Variants in TIMP2 observed in about 807,000 individuals in gnomAD.
TIMP2 encodes TIMP metallopeptidase inhibitor 2.
A neutral mutation model predicts 24.3 loss-of-function variants in TIMP2; 5 were observed. The observed-to-expected ratio is 0.21, with a 90% CI of 0.11 to 0.43. TIMP2 has a LOEUF of 0.43. Among genes scored for constraint, TIMP2 ranks in the 20% least tolerant of loss-of-function variants. The probability of loss-of-function intolerance (pLI) is 1.00; values close to 1 mark genes in which losing one functional copy is unlikely to be tolerated. For synonymous variants in TIMP2, 130 were observed against 123.2 expected (o/e 1.06, Z -0.37); for missense variants, 221 against 297.5 (o/e 0.74, Z 1.89).
chr17:78,901,918 C>T (rs549975808), intron 1 of TIMP2: 5 of 619,472 alleles, frequency 8.1e-6, no homozygotes, highest in African/African-American at 3.7e-5. Context: ...GGTAGTGAGA[C>T]GCCCATCACT....
At chr17:78,909,986 A>C (rs1454721720) in intron 1 of TIMP2, among the ~76,000 whole-genome samples, 1 of 152,090 alleles carries the variant, frequency 6.6e-6, no homozygotes, top group African/African-American at 2.4e-5. Flanking sequence ...TCCTTATGTG[A>C]GCTGGGCTGG....
intron 1 of TIMP2, among the ~76,000 whole-genome samples, chr17:78,923,752 G>T (rs2070327817): frequency 6.6e-6 from 1 of 152,152 alleles, no homozygotes; most frequent in African/African-American, 2.4e-5. Flanking sequence ...GATCTCAATA[G>T]ATTGGTGCAA....
At chr17:78,892,322 C>A in intron 1 of TIMP2, 2 of 1,550,658 alleles carry the variant, frequency 1.3e-6, no homozygotes, top group Non-Finnish European at 1.7e-6. Context: ...CCACATGGCT[C>A]CATCCATGTT....
chr17:78,888,677 C>T (rs2069848856), intron 1 of TIMP2, among the ~76,000 whole-genome samples: 1 of 152,084 alleles, frequency 6.6e-6, no homozygotes, highest in Admixed American at 6.5e-5. Flanking sequence ...TCTCGAATTC[C>T]TGGGCTCAAG....
At chr17:78,885,766 C>G (rs1179828219) in intron 1 of TIMP2, among the ~76,000 whole-genome samples, 1 of 152,162 alleles carries the variant, frequency 6.6e-6, no homozygotes, top group Admixed American at 6.5e-5. Context: ...GGTCACCTAG[C>G]TGCTGGCAAA....
At position 78,924,866 on chromosome 17, in the gene TIMP2, T is replaced by A; in HGVS notation, c.130+93A>T. The A allele has an allele frequency of 3.5e-6, 3 of 849,968 alleles. No individual in the cohort carries two copies. Among genetic ancestry groups the A allele is most frequent in the Non-Finnish European group, 4.4e-6 (3 of 677,174 alleles). 52.7% of individuals were successfully genotyped at this position (849,968 alleles called of 1,614,324 possible). On this transcript the variant is annotated intron_variant, in intron 1 of 4. Coordinates refer to ENST00000262768, the MANE Select transcript of TIMP2 (RefSeq NM_003255.5). This position sits in a 1 kb window ranked among gnomAD's most constrained non-coding sequence, Gnocchi z 5.3. ...ACCAGGAGGCGGGCGCTGGGGTCCC[T>A]CGGCCAGCGGCGGGCGGGCGGGGCG...
chr17:78,875,609 C>A (rs545505906), intron 1 of TIMP2, among the ~76,000 whole-genome samples: 1 of 152,122 alleles, frequency 6.6e-6, no homozygotes, highest in Non-Finnish European at 1.5e-5. Context: ...TTTGCCCTCC[C>A]AAACTCAGCT....
At chr17:78,862,606 G>A (rs1233873742) in intron 3 of TIMP2, among the ~76,000 whole-genome samples, 1 of 152,230 alleles carries the variant, frequency 6.6e-6, no homozygotes, top group Admixed American at 6.5e-5. Flanking sequence ...TTTGTTACAT[G>A]GGTATATTGT....
chr17:78,861,978 C>T (rs183646724), intron 3 of TIMP2, among the ~76,000 whole-genome samples: 29 of 152,232 alleles, frequency 1.9e-4, no homozygotes, highest in African/African-American at 6.0e-4. Context: ...GTGTACACAC[C>T]GTGAGCATCT....
At chr17:78,887,517 T>G (rs2069835072) in intron 1 of TIMP2, among the ~76,000 whole-genome samples, 1 of 152,108 alleles carries the variant, frequency 6.6e-6, no homozygotes, top group East Asian at 1.9e-4. Flanking sequence ...CCCGAATAGC[T>G]GGGACTACAA....
In TIMP2 at chr17:78,896,146, G is replaced by A. The variant is rs930934547; in HGVS notation, c.131-22227C>T. ...CTCTGACACCATCAGATGCAACCTC[G>A]TCCCCGCTACCCCAGCTCTCCTTGC... On this transcript the variant is annotated intron_variant, in intron 1 of 4. Transcript: ENST00000262768. This position sits in a 1 kb window ranked among gnomAD's most constrained non-coding sequence, Gnocchi z 4.4. Among the ~76,000 whole-genome samples the A allele has an allele frequency of 1.1e-4, 17 of 152,110 alleles. No individual in the cohort carries two copies. The highest frequency in any genetic ancestry group is 2.7e-4 in the African/African-American group (11 of 41,418).
intron 3 of TIMP2, among the ~76,000 whole-genome samples, chr17:78,866,928 C>T (rs1359488060): frequency 6.6e-6 from 1 of 152,062 alleles, no homozygotes; most frequent in Non-Finnish European, 1.5e-5. Context: ...TTCTTTTTGA[C>T]TGTAGTGATG....
chr17:78,870,420 A>AG (rs1246264566), intron 3 of TIMP2, among the ~76,000 whole-genome samples: 7 of 58,824 alleles, frequency 1.2e-4, no homozygotes, highest in African/African-American at 3.8e-4. Context: ...TGTCTCAAAA[A>AG]AAAAGAAAGA....
In TIMP2 at chr17:78,925,133, C is replaced by G. The variant is rs1193613148; in HGVS notation, c.-45G>C. 1.2e-6 allele frequency: 1 copy of G among 829,262 alleles called. No homozygotes were observed. Among genetic ancestry groups the G allele is most frequent in the Non-Finnish European group, 1.4e-6 (1 of 691,218 alleles). 51.4% of individuals were successfully genotyped at this position (829,262 alleles called of 1,614,324 possible). ...CGGGCGGGGGCCGCCGCTGGGGGGT[C>G]CGGGCGCTGCTCGCGGCGGCGGGCT... On this transcript the variant is annotated 5_prime_UTR_variant, in exon 1 of 5. Transcript: ENST00000262768.
chr17:78,856,169 G>T, intron 4 of TIMP2: 1 of 417,346 alleles, frequency 2.4e-6, no homozygotes, highest in East Asian at 4.5e-5. Context: ...TGCCCTCTGG[G>T]GGACACAGCA....
At position 78,893,546 on chromosome 17, in the gene TIMP2, T is replaced by C. The variant is rs888676199; in HGVS notation, c.131-19627A>G. Among the ~76,000 whole-genome samples, 13 of 151,818 alleles carry C rather than the reference T, an allele frequency of 8.6e-5. 1 individual carries two copies. Among genetic ancestry groups the C allele is most frequent in the African/African-American group, 2.4e-4 (10 of 41,260 alleles). ...ACATCTGTTTATGTTTCTGTGCACA[T>C]GCCTGCACATCTGTGTGTACAGGGG... On this transcript the variant is annotated intron_variant, in intron 1 of 4. Transcript: ENST00000262768.
At chr17:78,890,890 T>C (rs1336542971) in intron 1 of TIMP2, 2 of 1,550,594 alleles carry the variant, frequency 1.3e-6, no homozygotes, top group Non-Finnish European at 1.7e-6. Flanking sequence ...TCTCTTTTTC[T>C]AGCTCAGCTT....
intron 1 of TIMP2, among the ~76,000 whole-genome samples, chr17:78,914,134 G>A (rs1013880122): frequency 1.1e-4 from 17 of 152,154 alleles, no homozygotes; most frequent in Non-Finnish European, 2.4e-4. Flanking sequence ...AGGCAGCTGC[G>A]ACTAACGCTG....
intron 2 of TIMP2, among the ~76,000 whole-genome samples, chr17:78,871,979 A>G (rs1043526001): frequency 6.6e-6 from 1 of 151,868 alleles, no homozygotes; most frequent in African/African-American, 2.4e-5. Context: ...ACTCTGGACC[A>G]CCATGAAGGA....
Sources: allele counts gnomAD v4.1 joint callset (sites outside exome capture counted in the v4.1 genomes callset), GRCh38; gene constraint gnomAD v4.1.1; non-coding constraint Gnocchi (gnomAD v3.1); transcripts MANE v1.5; gene names NCBI Gene and HGNC (gene_info 2026-07-23, HGNC 2026-07-21).